RNF111: variants seen among roughly 807,000 people sequenced by gnomAD.
The protein encoded by RNF111 is ring finger protein 111.
In RNF111, 17 loss-of-function variants were observed where a neutral mutation model predicts 95.1. That is an observed-to-expected ratio of 0.18 (90% CI 0.12 to 0.27). The LOEUF is 0.27. Among genes scored for constraint, RNF111 ranks in the 10% least tolerant of loss-of-function variants. The pLI, the probability that RNF111 is intolerant of heterozygous loss-of-function variation, is 1.00. For missense variants in RNF111, 1,189 were observed against 1,210.4 expected, an observed-to-expected ratio of 0.98 and a Z score of 0.26; for synonymous variants, 440 against 414.8, an observed-to-expected ratio of 1.06 and a Z score of -0.74.
intron 6 of RNF111, among the ~76,000 whole-genome samples, chr15:59,072,149 G>C (rs750682123): frequency 2.8e-4 from 42 of 152,258 alleles, no homozygotes; most frequent in Non-Finnish European, 5.4e-4. Flanking sequence ...TGCTGATGGA[G>C]GGTCTTGCCT....
Position 59,030,964 on chromosome 15 carries a change from AG to A in RNF111, c.143del (p.Ser48IlefsTer8). Reference protein sequence around the residue: ...LHPEPIGAAKSFPAGVEMINS... With the variant: ...LHPEPIGAAKXFPAGVEMINS... ...TCCAGAGCCCATTGGGGCAGCCAAA[AG>A]TTTTCCTGCAGGAGTTGAGATGATT... On this transcript the variant is annotated frameshift_variant, in exon 2 of 14. Coordinates refer to ENST00000348370, the MANE Select transcript of RNF111 (RefSeq NM_017610.8). LOFTEE classifies it high-confidence loss of function. 6.2e-7 allele frequency: 1 copy of A among 1,614,200 alleles called. No individual in the cohort carries two copies. The highest frequency in any genetic ancestry group is 8.5e-7 in the Non-Finnish European group (1 of 1,180,030).
chr15:59,093,180 A>G (rs1363121046), intron 13 of RNF111, among the ~76,000 whole-genome samples: 1 of 152,124 alleles, frequency 6.6e-6, no homozygotes. Context: ...GGGCCACACA[A>G]GGTTTGGCCA....
At chr15:59,009,875 G>C (rs2039712664) in intron 1 of RNF111, among the ~76,000 whole-genome samples, 2 of 152,152 alleles carry the variant, frequency 1.3e-5, no homozygotes, top group South Asian at 4.1e-4. Context: ...AGGATCACTT[G>C]AGCCCAGGAA....
chr15:59,009,450 G>T (rs556757237), intron 1 of RNF111, among the ~76,000 whole-genome samples: 4 of 150,922 alleles, frequency 2.7e-5, no homozygotes, highest in African/African-American at 9.7e-5. Context: ...ATCAAAGTCA[G>T]TATGACTTAA....
In RNF111 at chr15:59,031,314, A is replaced by G; in HGVS notation, c.492A>G (p.Arg164=). 2 of 1,614,178 alleles carry G rather than the reference A, an allele frequency of 1.2e-6. No individual in the cohort carries two copies. The highest frequency in any genetic ancestry group is 1.7e-6 in the Non-Finnish European group (2 of 1,180,020). The change falls in exon 2 of 14, where the codon AGA becomes AGG. Residue 164 remains arginine (R), a synonymous_variant. Transcript: ENST00000348370. The part of the protein sequence containing the change: ...TSDEDKEVSV[R]HSQTILNAKS... ...ATGAGGATAAAGAAGTCTCTGTAAGACATTCCCAGACCATTTTGAATGCTA... is the reference window on the plus strand; with the variant it reads ...ATGAGGATAAAGAAGTCTCTGTAAGGCATTCCCAGACCATTTTGAATGCTA...
At chr15:58,990,136 T>C (rs536872591) in intron 1 of RNF111, among the ~76,000 whole-genome samples, 1 of 152,340 alleles carries the variant, frequency 6.6e-6, no homozygotes, top group Non-Finnish European at 1.5e-5. Context: ...TTGCTATACA[T>C]TAGATCTCCG....
intron 5 of RNF111, among the ~76,000 whole-genome samples, chr15:59,062,390 C>T (rs868463706): frequency 3.9e-5 from 6 of 152,222 alleles, no homozygotes; most frequent in South Asian, 2.1e-4. Flanking sequence ...TCTCCTGGAC[C>T]GTTCTGCAGT....
intron 1 of RNF111, among the ~76,000 whole-genome samples, chr15:59,009,508 A>C (rs1300359938): frequency 6.6e-6 from 1 of 151,216 alleles, no homozygotes; most frequent in African/African-American, 2.4e-5. Flanking sequence ...ATTCTAAAGA[A>C]AAAGTCTTTA....
chr15:59,030,331 C>A (rs1338936027), intron 1 of RNF111, among the ~76,000 whole-genome samples: 1 of 152,100 alleles, frequency 6.6e-6, no homozygotes, highest in African/African-American at 2.4e-5. Context: ...TTAATAATAT[C>A]AATCTAATGT....
chr15:59,012,805 C>G (rs879339304), intron 1 of RNF111, among the ~76,000 whole-genome samples: 2 of 150,502 alleles, frequency 1.3e-5, no homozygotes, highest in Non-Finnish European at 2.9e-5. Flanking sequence ...GTGGCACAAT[C>G]TCAGCTCACT....
intron 4 of RNF111, among the ~76,000 whole-genome samples, chr15:59,057,587 A>AACTC (rs2042250321): frequency 6.6e-6 from 1 of 152,218 alleles, no homozygotes; most frequent in Non-Finnish European, 1.5e-5. Context: ...TTTGAAACTT[A>AACTC]ACTCACTCAT....
chr15:59,058,586 C>T (rs756921097), intron 5 of RNF111, 36 bp downstream of exon 5: 3 of 1,565,678 alleles, frequency 1.9e-6, no homozygotes, highest in South Asian at 1.1e-5. Flanking sequence ...GACTTTTTGT[C>T]ATTACTTTCG....
chr15:59,076,213 C>A lies in RNF111; in HGVS notation c.1946C>A (p.Pro649His). Residue 649 changes from proline to histidine, a missense_variant and splice_region_variant, in exon 7 of 14, where the codon CCT becomes CAT. Physicochemically the swap from Pro to His is moderately conservative, Grantham distance 77. This residue lies in a region of RNF111 where 1,024 missense variants were observed against 925.9 expected (regional missense o/e 1.11). Transcript: ENST00000348370. ...LSSCRHYMPP[P>H]YASLTRPLHH... is the part of the protein sequence containing the mutation. ...TCATGTCGACATTACATGCCACCCCCTTGTAAGTATATACTTAGTGGACAC... is the reference window on the plus strand; with the variant it reads ...TCATGTCGACATTACATGCCACCCCATTGTAAGTATATACTTAGTGGACAC... The A allele has an allele frequency of 6.2e-7, 1 of 1,612,938 alleles. No individual in the cohort carries two copies. The highest frequency in any genetic ancestry group is 1.1e-5 in the South Asian group (1 of 91,072).
chr15:59,029,566 A>T (rs1480296264), intron 1 of RNF111, among the ~76,000 whole-genome samples: 1 of 152,242 alleles, frequency 6.6e-6, no homozygotes, highest in Non-Finnish European at 1.5e-5. Flanking sequence ...GTTATATACT[A>T]TAGTAACATG....
intron 2 of RNF111, among the ~76,000 whole-genome samples, chr15:59,038,798 T>G (rs2041306747): frequency 6.6e-6 from 1 of 152,210 alleles, no homozygotes; most frequent in South Asian, 2.1e-4. Context: ...AGTACTTTGT[T>G]GATGATACTG....
intron 1 of RNF111, among the ~76,000 whole-genome samples, chr15:58,991,401 G>A (rs2038810778): frequency 6.6e-6 from 1 of 152,298 alleles, no homozygotes; most frequent in South Asian, 2.1e-4. Context: ...CATGTTCTAG[G>A]CACAGTCACT....
rs539496997 is a variant in RNF111, at chr15:59,021,950, C to G, written c.-19-8854C>G. 2.8e-4 allele frequency among the ~76,000 whole-genome samples: 43 copies of G among 152,210 alleles called. No homozygotes were observed. In the South Asian group the frequency reaches 4.8e-3, roughly 17 times the overall value. ...ACCTCACCTCACTGCAACCTTGCCT[C>G]CCAGGTTCAAGCGATCCTCCCGCCT... On this transcript the variant is annotated intron_variant, in intron 1 of 13. Transcript: ENST00000348370.
chr15:59,075,218 A>G (rs2043116151), intron 6 of RNF111, among the ~76,000 whole-genome samples: 1 of 152,248 alleles, frequency 6.6e-6, no homozygotes, highest in Non-Finnish European at 1.5e-5. Flanking sequence ...GACTTGCTTG[A>G]CACAGTGTCG....
intron 5 of RNF111, among the ~76,000 whole-genome samples, chr15:59,065,010 G>A (rs190034656): frequency 5.9e-5 from 9 of 151,998 alleles, no homozygotes; most frequent in African/African-American, 2.2e-4. Flanking sequence ...TTGTAAACAA[G>A]CAGAAGATTC....
Sources: allele counts gnomAD v4.1 joint callset (sites outside exome capture counted in the v4.1 genomes callset), GRCh38; gene constraint gnomAD v4.1.1; regional missense constraint gnomAD v4.1.1; transcripts MANE v1.5; gene names NCBI Gene and HGNC (gene_info 2026-07-23, HGNC 2026-07-21).